The following MACROD2 variants were observed in gnomAD, a reference collection of about 807,000 sequenced individuals.
MACROD2 encodes the protein mono-ADP ribosylhydrolase 2.
In MACROD2, 36 loss-of-function variants were observed where a neutral mutation model predicts 70.4. The observed-to-expected ratio is 0.51, with a 90% CI of 0.39 to 0.68. The LOEUF is 0.68. Among genes scored for constraint, MACROD2 ranks in the 30% least tolerant of loss-of-function variants. MACROD2 has a pLI of 0.00. For synonymous variants in MACROD2, 172 were observed against 178.8 expected, an observed-to-expected ratio of 0.96 and a Z score of 0.30; for missense variants, 496 against 538.4, an observed-to-expected ratio of 0.92 and a Z score of 0.78.
At chr20:15,278,946 C>T (rs1006540985) in intron 6 of MACROD2, among the ~76,000 whole-genome samples, 1 of 152,168 alleles carries the variant, frequency 6.6e-6, no homozygotes, top group Non-Finnish European at 1.5e-5. Context: ...ATGGATGCCT[C>T]GCGTGCCCTG....
At chr20:14,508,187 G>A (rs2084990374) in intron 4 of MACROD2, among the ~76,000 whole-genome samples, 1 of 152,204 alleles carries the variant, frequency 6.6e-6, no homozygotes, top group African/African-American at 2.4e-5. Flanking sequence ...AAAACAGGAA[G>A]TGAAGGCTAA....
At chr20:15,152,565 G>A (rs1161932194) in intron 5 of MACROD2, among the ~76,000 whole-genome samples, 2 of 150,758 alleles carry the variant, frequency 1.3e-5, no homozygotes, top group Non-Finnish European at 3.0e-5. Context: ...CTAGAAAAGT[G>A]GGACTTGCCA....
intron 5 of MACROD2, among the ~76,000 whole-genome samples, chr20:14,692,630 G>A (rs377375799): frequency 5.3e-5 from 8 of 152,202 alleles, no homozygotes; most frequent in African/African-American, 1.2e-4. Context: ...GCAGGAAACC[G>A]AGCAAGAAGA....
chr20:14,446,342 A>T (rs537441346), intron 3 of MACROD2, among the ~76,000 whole-genome samples: 1 of 152,242 alleles, frequency 6.6e-6, no homozygotes, highest in East Asian at 1.9e-4. Context: ...AAATTGAGGC[A>T]TTAGTGTGTC....
At chr20:15,658,084 G>C (rs562873129) in intron 8 of MACROD2, among the ~76,000 whole-genome samples, 1 of 152,118 alleles carries the variant, frequency 6.6e-6, no homozygotes, top group Non-Finnish European at 1.5e-5. Context: ...TTGTCAAAGG[G>C]AGCTAATAGC....
chr20:14,606,870 A>G (rs949907619), intron 4 of MACROD2, among the ~76,000 whole-genome samples: 2 of 152,184 alleles, frequency 1.3e-5, no homozygotes, highest in Admixed American at 6.5e-5. Context: ...TTATTAACTT[A>G]AAAATGCATA....
intron 4 of MACROD2, among the ~76,000 whole-genome samples, chr20:14,670,073 A>G (rs1193852780): frequency 6.6e-6 from 1 of 152,036 alleles, no homozygotes; most frequent in Non-Finnish European, 1.5e-5. Context: ...CAGTTGTTTT[A>G]AAAAAAGGTA....
At chr20:14,325,750 A>G (rs1164453814) in intron 3 of MACROD2, 4 of 1,613,888 alleles carry the variant, frequency 2.5e-6, no homozygotes, top group Admixed American at 1.7e-5. Context: ...GATTTCCAGG[A>G]TAGAGTTGTC....
At chr20:14,933,431 G>A (rs1241886705) in intron 5 of MACROD2, among the ~76,000 whole-genome samples, 2 of 152,150 alleles carry the variant, frequency 1.3e-5, no homozygotes, top group Middle Eastern at 3.4e-3. Flanking sequence ...TATAATCCCA[G>A]CACTTTGGGA....
At chr20:15,588,127 A>C (rs2048627800) in intron 8 of MACROD2, among the ~76,000 whole-genome samples, 1 of 152,192 alleles carries the variant, frequency 6.6e-6, no homozygotes, top group Non-Finnish European at 1.5e-5. Context: ...CCCAAACCTC[A>C]ATTCTTGACT....
At position 14,077,725 on chromosome 20, in the gene MACROD2, T is replaced by G. The variant is rs533946636; in HGVS notation, c.164-7896T>G. Among the ~76,000 whole-genome samples the G allele has an allele frequency of 9.2e-5, 14 of 152,252 alleles. No homozygotes were observed. In the South Asian group the frequency reaches 2.9e-3, roughly 32 times the overall value. ...TTTGCAGAAAAGGAATTCTTTATGT[T>G]TTCAAGCTGGCTATGATTAAATTGA... On this transcript the variant is annotated intron_variant, in intron 2 of 17. Coordinates refer to ENST00000684519, the MANE Select transcript of MACROD2 (RefSeq NM_001351661.2).
intron 8 of MACROD2, among the ~76,000 whole-genome samples, chr20:15,611,012 T>C (rs1452314270): frequency 7.0e-6 from 1 of 143,106 alleles, no homozygotes; most frequent in Non-Finnish European, 1.5e-5. Context: ...TTTTTTTTTT[T>C]TTTTGCCCCC....
chr20:16,031,496 C>A (rs2067151416), intron 15 of MACROD2, among the ~76,000 whole-genome samples: 1 of 152,068 alleles, frequency 6.6e-6, no homozygotes, highest in African/African-American at 2.4e-5. Flanking sequence ...GAAATATTTA[C>A]AAAATCTTTC....
At position 14,479,166 on chromosome 20, in the gene MACROD2, A is replaced by T. The variant is rs866083739; in HGVS notation, c.272-14313A>T. ...ACAGGATGCCTCCTGTCTGTGGGAG[A>T]TGGAAAGCCCTTCCTGGGCTGGGTG... On this transcript the variant is annotated intron_variant, in intron 3 of 17. Transcript: ENST00000684519. 7.9e-5 allele frequency among the ~76,000 whole-genome samples: 12 copies of T among 151,928 alleles called. 1 individual carries two copies. The South Asian group carries it at 8.3e-4, about 11-fold the overall frequency.
intron 8 of MACROD2, among the ~76,000 whole-genome samples, chr20:15,743,808 C>T (rs1350992619): frequency 6.6e-6 from 1 of 152,188 alleles, no homozygotes; most frequent in Non-Finnish European, 1.5e-5. Context: ...CTCAGCACAA[C>T]TCACTCTTCT....
At chr20:14,817,076 A>G (rs998915685) in intron 5 of MACROD2, among the ~76,000 whole-genome samples, 1 of 152,152 alleles carries the variant, frequency 6.6e-6, no homozygotes, top group African/African-American at 2.4e-5. Flanking sequence ...TTGGCTGTTC[A>G]TAAATCTTTT....
chr20:14,693,263 G>A (rs1411695997), intron 5 of MACROD2, among the ~76,000 whole-genome samples: 7 of 152,158 alleles, frequency 4.6e-5, no homozygotes, highest in Non-Finnish European at 1.0e-4. Flanking sequence ...GTTGTACAGG[G>A]ATAATCATTT....
intron 3 of MACROD2, among the ~76,000 whole-genome samples, chr20:14,421,936 T>G (rs965950326): frequency 6.6e-6 from 1 of 152,146 alleles, no homozygotes; most frequent in Non-Finnish European, 1.5e-5. Context: ...TGTTCAAATT[T>G]AGTATTTTCT....
At chr20:14,978,839 G>T (rs2074767693) in intron 5 of MACROD2, among the ~76,000 whole-genome samples, 1 of 146,068 alleles carries the variant, frequency 6.8e-6, no homozygotes, top group South Asian at 2.1e-4. Context: ...GTTTGCAAAG[G>T]AGGGTATTAT....
Sources: allele counts gnomAD v4.1 joint callset (sites outside exome capture counted in the v4.1 genomes callset), GRCh38; gene constraint gnomAD v4.1.1; transcripts MANE v1.5; gene names NCBI Gene and HGNC (gene_info 2026-07-23, HGNC 2026-07-21).